The following ELOA variants were observed in gnomAD, a reference collection of about 807,000 sequenced individuals.
ELOA encodes the protein elongin-A.
ELOA carries 15 observed loss-of-function variants against 85.2 expected under a neutral mutation model. The ratio of observed to expected loss-of-function variants is 0.18; its 90% CI spans 0.12 to 0.27. The LOEUF (loss-of-function observed/expected upper bound fraction) is 0.27. ELOA is among the 10% of genes least tolerant of loss of function. The probability of loss-of-function intolerance (pLI) is 1.00; values close to 1 mark genes in which losing one functional copy is unlikely to be tolerated. For missense variants in ELOA, 769 were observed against 952.7 expected (o/e 0.81, Z 2.54); for synonymous variants, 348 against 357.2 (o/e 0.97, Z 0.29).
chr1:23,754,697 C>T (rs1482385700), intron 7 of ELOA, among the ~76,000 whole-genome samples: 1 of 152,182 alleles, frequency 6.6e-6, no homozygotes, highest in African/African-American at 2.4e-5. Flanking sequence ...AGAAGAAAAA[C>T]ACTTAACATC....
Position 23,761,608 on chromosome 1 carries a change from C to G in ELOA, c.*2035C>G, listed in dbSNP as rs1217854393. ...ATGTTTTCCCCTCCCCCAAGAGTATCTACATCAGGGATGTGACTTGGTGCG... is the reference window on the plus strand; with the variant it reads ...ATGTTTTCCCCTCCCCCAAGAGTATGTACATCAGGGATGTGACTTGGTGCG... On this transcript the variant is annotated 3_prime_UTR_variant, in exon 11 of 11. Transcript: ENST00000613537. The G allele has an allele frequency of 6.6e-6, 1 of 152,144 alleles. No homozygotes were observed. Among genetic ancestry groups the G allele is most frequent in the African/African-American group, 2.4e-5 (1 of 41,440 alleles). 9.4% of individuals were successfully genotyped at this position (152,144 alleles called of 1,614,324 possible).
chr1:23,758,885 G>A (rs775180657), intron 10 of ELOA, among the ~76,000 whole-genome samples: 2 of 152,126 alleles, frequency 1.3e-5, no homozygotes, highest in Non-Finnish European at 2.9e-5. Flanking sequence ...GCAAAGTTAA[G>A]TTATGACTGA....
In ELOA at chr1:23,759,520, C is replaced by T; in HGVS notation, c.2266C>T (p.Pro756Ser). 2 of 1,614,174 alleles carry T rather than the reference C, an allele frequency of 1.2e-6. No individual in the cohort carries two copies. Among genetic ancestry groups the T allele is most frequent in the Non-Finnish European group, 1.7e-6 (2 of 1,180,026 alleles). The stretch of plus-strand genomic sequence containing the variant: ...TGTTTCTCTTTTCACAGAAATTGCC[C>T]CAATGATGGCCAAGACAATTAAAGC... ...PRKPTVKKIAPMMAKTIKAFK... is the reference protein window; with the variant it reads ...PRKPTVKKIASMMAKTIKAFK... Residue 756 changes from proline (P) to serine (S), a missense_variant, in exon 11 of 11, where the codon CCA becomes TCA. This residue lies in a region of ELOA where 116 missense variants were observed against 141.0 expected (regional missense o/e 0.82). Transcript: ENST00000613537.
At chr1:23,744,508 C>T (rs977091897) in intron 1 of ELOA, among the ~76,000 whole-genome samples, 2 of 149,494 alleles carry the variant, frequency 1.3e-5, no homozygotes, top group Non-Finnish European at 3.0e-5. Context: ...GGCTGGAGTA[C>T]AGTGGCGCGA....
chr1:23,746,608 CAAAAAAAAAAA>C lies in ELOA; in HGVS notation c.76-2400_76-2390del, dbSNP rs55782205. Among the ~76,000 whole-genome samples, 439 of 68,456 alleles carry C rather than the reference CAAAAAAAAAAA, an allele frequency of 6.4e-3. 5 individuals carry two copies. The highest frequency in any genetic ancestry group is 9.7e-3 in the Non-Finnish European group (350 of 35,938). 44.9% of individuals were successfully genotyped at this position (68,456 alleles called of 152,430 possible). A position where few individuals can be genotyped will look rare whatever the true frequency, so the allele number is the denominator to read the frequency against. The stretch of plus-strand genomic sequence containing the variant: ...GACAACAAGAGCAAAACTCCATCTC[CAAAAAAAAAAA>C]AAAAAAAAAAAAGGATCCTCGTCCT... On this transcript the variant is annotated intron_variant, in intron 1 of 10. Coordinates refer to ENST00000613537, the MANE Select transcript of ELOA (RefSeq NM_003198.3).
chr1:23,749,724 G>T (rs1348010758), intron 2 of ELOA, 118 bp from the exon 3 acceptor site: 3 of 796,874 alleles, frequency 3.8e-6, no homozygotes, highest in Non-Finnish European at 6.0e-6. Flanking sequence ...GATTTGCAGG[G>T]TATGTTGTAG....
In ELOA at chr1:23,746,340, G is replaced by C. The variant is rs548015046; in HGVS notation, c.76-2681G>C. ...CACACACAGTTGGCCGGGCGCAGTGGCTCACGCTTGTAATCACAGCACTTT... is the reference window on the plus strand; with the variant it reads ...CACACACAGTTGGCCGGGCGCAGTGCCTCACGCTTGTAATCACAGCACTTT... On this transcript the variant is annotated intron_variant, in intron 1 of 10. Coordinates refer to ENST00000613537, the MANE Select transcript of ELOA (RefSeq NM_003198.3). Among the ~76,000 whole-genome samples the C allele has an allele frequency of 4.8e-5, 7 of 144,774 alleles. No homozygotes were observed. In the East Asian group the frequency reaches 1.5e-3, roughly 30 times the overall value. 95.0% of individuals were successfully genotyped at this position (144,774 alleles called of 152,430 possible). A position where few individuals can be genotyped will look rare whatever the true frequency, so the allele number is the denominator to read the frequency against.
At chr1:23,755,451 T>G (rs942950959) in intron 7 of ELOA, among the ~76,000 whole-genome samples, 4 of 152,106 alleles carry the variant, frequency 2.6e-5, no homozygotes, top group African/African-American at 9.7e-5. Flanking sequence ...AAAAAATTTT[T>G]GGGAAACTGG....
intron 7 of ELOA, 57 bp downstream of exon 7, chr1:23,754,517 T>C: frequency 7.3e-7 from 1 of 1,373,622 alleles, no homozygotes; most frequent in Non-Finnish European, 1.0e-6. Context: ...CCTCCAGAAA[T>C]AGCTTTGTCC....
rs1355849740 is a variant in ELOA at position 23,760,317 on chromosome 1, T to C, written c.*744T>C. ...CCCCACCTTTTTGTTTTTTTTTTTT[T>C]CTTTGAGGCTCACTAGAGGACGCAG... On this transcript the variant is annotated 3_prime_UTR_variant, in exon 11 of 11. Coordinates refer to ENST00000613537, the MANE Select transcript of ELOA (RefSeq NM_003198.3). 6.6e-6 allele frequency: 1 copy of C among 151,966 alleles called. No individual in the cohort carries two copies. The highest frequency in any genetic ancestry group is 1.9e-4 in the East Asian group (1 of 5,192). 9.4% of individuals were successfully genotyped at this position (151,966 alleles called of 1,614,324 possible).
intron 10 of ELOA, 64 bp downstream of exon 10, chr1:23,757,189 T>C (rs569370638): frequency 5.4e-6 from 8 of 1,472,394 alleles, no homozygotes; most frequent in Middle Eastern, 3.7e-4. Context: ...CTCAATGTCA[T>C]TATTCACTGT....
intron 10 of ELOA, 133 bp downstream of exon 10, chr1:23,757,258 A>ACATTCAGACCAGCT: frequency 1.0e-6 from 1 of 970,144 alleles, no homozygotes; most frequent in Non-Finnish European, 1.5e-6. Flanking sequence ...AGCTGGTCTG[A>ACATTCAGACCAGCT]ATGTCAGTCC....
intron 3 of ELOA, among the ~76,000 whole-genome samples, 175 bp from the exon 4 acceptor site, chr1:23,750,670 G>A (rs984845883): frequency 6.6e-6 from 1 of 152,100 alleles, no homozygotes; most frequent in African/African-American, 2.4e-5. Context: ...TCTCATTTGG[G>A]TTTTCCCAGT....
intron 1 of ELOA, among the ~76,000 whole-genome samples, chr1:23,747,158 C>T (rs770207278): frequency 2.0e-5 from 3 of 152,280 alleles, no homozygotes; most frequent in Non-Finnish European, 4.4e-5. Context: ...CCTTTGTTCC[C>T]TTGGTGACCT....
rs557160396 is a variant in ELOA at position 23,756,522 on chromosome 1, G to A, written c.2084+137G>A. 19 of 711,670 alleles carry A rather than the reference G, an allele frequency of 2.7e-5. No homozygotes were observed. In the African/African-American group the frequency reaches 3.5e-4, roughly 13 times the overall value. 44.1% of individuals were successfully genotyped at this position (711,670 alleles called of 1,614,324 possible). On this transcript the variant is annotated intron_variant, in intron 9 of 10. Coordinates refer to ENST00000613537, the MANE Select transcript of ELOA (RefSeq NM_003198.3). Reference sequence around the variant, plus strand: ...TCTGGAGGCAGACCTCATCAGCTCAGCACTTCCCTCACCTCCCTCAGCCTC... The same window carrying A: ...TCTGGAGGCAGACCTCATCAGCTCAACACTTCCCTCACCTCCCTCAGCCTC...
At position 23,751,111 on chromosome 1, in the gene ELOA, C is replaced by G; in HGVS notation, c.506C>G (p.Pro169Arg). Residue 169 changes from proline (P) to arginine (R), a missense_variant, in exon 4 of 11, where the codon CCT (proline) becomes CGT (arginine). Pro to Arg is a moderately radical substitution (Grantham distance 103). Transcript: ENST00000613537. ...ATGTCACCAACTTACTCTTCAGACC[C>G]TGAGTCTTCTGATTATGGCCATGTT... ...HRMSPTYSSDPESSDYGHVQS... is the reference protein window; with the variant it reads ...HRMSPTYSSDRESSDYGHVQS... 1.9e-6 allele frequency: 3 copies of G among 1,614,096 alleles called. No individual in the cohort carries two copies. Among genetic ancestry groups the G allele is most frequent in the Non-Finnish European group, 2.5e-6 (3 of 1,180,038 alleles).
At chr1:23,743,699 G>A in intron 1 of ELOA, 121 bp downstream of exon 1, 1 of 1,213,432 alleles carries the variant, frequency 8.2e-7, no homozygotes, top group South Asian at 2.0e-5. Flanking sequence ...CCGCGGGGCT[G>A]GGGTCGTGAA....
chr1:23,748,719 A>T (rs920229886), intron 1 of ELOA, among the ~76,000 whole-genome samples: 2 of 152,120 alleles, frequency 1.3e-5, no homozygotes, highest in African/African-American at 4.8e-5. Context: ...CTTTTATCAG[A>T]GTTGGTAAGT....
intron 5 of ELOA, 63 bp from the exon 6 acceptor site, chr1:23,754,037 G>C: frequency 6.4e-7 from 1 of 1,572,606 alleles, no homozygotes; most frequent in Non-Finnish European, 8.6e-7. Context: ...GGAGGCTGAA[G>C]GGGGTAGAAG....
Sources: allele counts gnomAD v4.1 joint callset (sites outside exome capture counted in the v4.1 genomes callset), GRCh38; gene constraint gnomAD v4.1.1; regional missense constraint gnomAD v4.1.1; transcripts MANE v1.5; gene names NCBI Gene and HGNC (gene_info 2026-07-23, HGNC 2026-07-21).